FEZ2: variants seen among roughly 807,000 people sequenced by gnomAD.
The protein encoded by FEZ2 is fasciculation and elongation protein zeta-2.
FEZ2 carries 51 observed loss-of-function variants against 40.4 expected under a neutral mutation model. The observed-to-expected ratio is 1.26, with a 90% CI of 1.01 to 1.59. The LOEUF (loss-of-function observed/expected upper bound fraction) is 1.59. Among genes scored for constraint, FEZ2 ranks in the 40% most tolerant of loss-of-function variants. The pLI is 0.00. For synonymous variants in FEZ2, 242 were observed against 172.0 expected (o/e 1.41, Z -3.18); for missense variants, 640 against 438.3 (o/e 1.46, Z -4.11).
In FEZ2 at chr2:36,578,662, T is replaced by C. The variant is rs761173859; in HGVS notation, c.838A>G (p.Lys280Glu). ...QKEHKETAKK[K>E]KKLKNGSSQN... ...GAGCTGCCATTTTTTAGTTTCTTTT[T>C]CTTTTTTGCTGTTTCTTTGTGCTCT... The change falls in exon 5 of 8, where the codon AAA becomes GAA. Residue 280 changes from lysine (K) to glutamate (E), a missense_variant. Coordinates refer to ENST00000405912, the MANE Select transcript of FEZ2 (RefSeq NM_005102.3). 1 of 1,613,618 alleles carries C rather than the reference T, an allele frequency of 6.2e-7. No homozygotes were observed. Among genetic ancestry groups the C allele is most frequent in the South Asian group, 1.1e-5 (1 of 91,036 alleles).
At chr2:36,555,419 T>C (rs912078485) in intron 7 of FEZ2, 8 of 272,372 alleles carry the variant, frequency 2.9e-5, no homozygotes, top group African/African-American at 4.4e-5. Flanking sequence ...TCTCACTAAT[T>C]TTCTTCTACT....
In FEZ2 at chr2:36,592,644, C is replaced by CAAA. The variant is rs34717975; in HGVS notation, c.267-1636_267-1634dup. ...AACAAAAGGGAGCCCCACATCTCTA[C>CAAA]AAAAAAAAAAAAAAAAAAAAAATTG... On this transcript the variant is annotated intron_variant, in intron 1 of 7. Transcript: ENST00000405912. 5.9e-4 allele frequency among the ~76,000 whole-genome samples: 44 copies of CAAA among 74,448 alleles called. No homozygotes were observed. The Middle Eastern group carries it at 0.019, about 32-fold the overall frequency. The allele number at this position is 74,448 out of a possible 152,430, so 48.8% of individuals were successfully genotyped here. A position where few individuals can be genotyped will look rare whatever the true frequency, so the allele number is the denominator to read the frequency against.
At chr2:36,567,761 CA>C (rs201650768) in intron 5 of FEZ2, among the ~76,000 whole-genome samples, 11,305 of 115,546 alleles carry the variant, frequency 0.098, 817 homozygotes, top group East Asian at 0.25. Context: ...GACTCTGTCT[CA>C]AAAAAAAAAA....
intron 5 of FEZ2, among the ~76,000 whole-genome samples, chr2:36,559,752 C>T (rs1573000826): frequency 6.6e-6 from 1 of 152,240 alleles, no homozygotes; most frequent in Non-Finnish European, 1.5e-5. Context: ...CTCTGGCTAC[C>T]TGGCTGCATC....
intron 5 of FEZ2, among the ~76,000 whole-genome samples, chr2:36,562,352 C>A (rs1049587696): frequency 3.9e-5 from 6 of 152,104 alleles, no homozygotes; most frequent in African/African-American, 1.4e-4. Context: ...GTCTTGATAA[C>A]AAAAAGCTAA....
At chr2:36,555,792 A>C in intron 6 of FEZ2, 44 bp from the exon 7 acceptor site, 1 of 1,118,930 alleles carries the variant, frequency 8.9e-7, no homozygotes, top group Non-Finnish European at 1.3e-6. Flanking sequence ...TTAAAAATTT[A>C]GATCAAAAAT....
In FEZ2 at chr2:36,578,863, C is replaced by T. The variant is rs776127152; in HGVS notation, c.637G>A (p.Val213Met). Residue 213 changes from valine to methionine, a missense_variant and splice_region_variant, in exon 5 of 8, where the codon GTG (valine) becomes ATG (methionine). Coordinates refer to ENST00000405912, the MANE Select transcript of FEZ2 (RefSeq NM_005102.3). ...RSSTGSYEER[V>M]KRLSVSELNE... ...AACTCAGACACTGAGAGCCTTTTCA[C>T]TCCTGTGACCAAAAGCAAAATACAG... 1.9e-6 allele frequency: 3 copies of T among 1,601,986 alleles called. No individual in the cohort carries two copies. The highest frequency in any genetic ancestry group is 2.6e-6 in the Non-Finnish European group (3 of 1,175,750).
At chr2:36,581,021 G>A (rs567587820) in intron 4 of FEZ2, among the ~76,000 whole-genome samples, 144 of 152,150 alleles carry the variant, frequency 9.5e-4, no homozygotes, top group African/African-American at 3.3e-3. Flanking sequence ...GCGTGGTGGC[G>A]GGCACCTGTA....
At chr2:36,591,128 CA>C in intron 1 of FEZ2, 117 bp from the exon 2 acceptor site, 1 of 675,736 alleles carries the variant, frequency 1.5e-6, no homozygotes, top group Non-Finnish European at 2.6e-6. Context: ...AAACAGACAG[CA>C]CATTGTTTCT....
intron 1 of FEZ2, 148 bp downstream of exon 1, chr2:36,597,729 C>T (rs540152224): frequency 1.2e-5 from 7 of 576,812 alleles, no homozygotes; most frequent in Non-Finnish European, 1.8e-5. Flanking sequence ...GAGCCGAGGC[C>T]GACGGCCGGA....
At chr2:36,567,842 T>C (rs1294286263) in intron 5 of FEZ2, among the ~76,000 whole-genome samples, 1 of 150,878 alleles carries the variant, frequency 6.6e-6, no homozygotes, top group Non-Finnish European at 1.5e-5. Context: ...ACTAGAAGGA[T>C]AAAGGAAAAG....
chr2:36,566,771 T>A (rs576484460), intron 5 of FEZ2, among the ~76,000 whole-genome samples: 1 of 152,338 alleles, frequency 6.6e-6, no homozygotes, highest in South Asian at 2.1e-4. Context: ...CCACTAATTG[T>A]GTGACAGGAG....
intron 2 of FEZ2, among the ~76,000 whole-genome samples, chr2:36,587,418 G>C (rs1573028433): frequency 6.6e-6 from 1 of 152,150 alleles, no homozygotes; most frequent in East Asian, 1.9e-4. Flanking sequence ...CAATGCCAGG[G>C]TTAGATACAG....
chr2:36,565,476 C>T (rs1668209913), intron 5 of FEZ2, among the ~76,000 whole-genome samples: 1 of 152,160 alleles, frequency 6.6e-6, no homozygotes, highest in South Asian at 2.1e-4. Flanking sequence ...CACCTTCTAG[C>T]TTTCACCATA....
At chr2:36,564,566 C>T (rs1009034727) in intron 5 of FEZ2, among the ~76,000 whole-genome samples, 3 of 152,148 alleles carry the variant, frequency 2.0e-5, no homozygotes, top group Admixed American at 6.5e-5. Flanking sequence ...AGATAACTAA[C>T]ACATGCCCTA....
At chr2:36,597,468 G>C (rs1288510502) in intron 1 of FEZ2, among the ~76,000 whole-genome samples, 3 of 152,134 alleles carry the variant, frequency 2.0e-5, no homozygotes, top group African/African-American at 7.2e-5. Context: ...CAGTCGTTTT[G>C]GTGTTCCCTG....
chr2:36,596,452 T>C (rs1669224681), intron 1 of FEZ2, among the ~76,000 whole-genome samples: 1 of 152,194 alleles, frequency 6.6e-6, no homozygotes, highest in African/African-American at 2.4e-5. Flanking sequence ...TGAAAATCCA[T>C]TCCTTCCCAT....
intron 5 of FEZ2, among the ~76,000 whole-genome samples, chr2:36,570,609 T>C (rs906679045): frequency 1.3e-5 from 2 of 152,206 alleles, no homozygotes; most frequent in African/African-American, 4.8e-5. Flanking sequence ...CTTTGTCGTA[T>C]AGACCATGAC....
chr2:36,558,505 A>C lies in FEZ2; in HGVS notation c.912T>G (p.Thr304=), dbSNP rs1182093754. Residue 304 remains threonine (T), a synonymous_variant, in exon 6 of 8, where the codon ACT becomes ACG. Coordinates refer to ENST00000405912, the MANE Select transcript of FEZ2 (RefSeq NM_005102.3). ...TTTTTTTCTCATAAGGAATGACTGT[A>C]GTCAAATACTGCCAAGTTTAAAAAA... ...ERSHMPGTYL[T]TVIPYEKKNG... The C allele has an allele frequency of 1.5e-5, 23 of 1,505,796 alleles. No individual in the cohort carries two copies. The highest frequency in any genetic ancestry group is 2.0e-5 in the Non-Finnish European group (23 of 1,122,776). 93.3% of individuals were successfully genotyped at this position (1,505,796 alleles called of 1,614,324 possible).
Sources: allele counts gnomAD v4.1 joint callset (sites outside exome capture counted in the v4.1 genomes callset), GRCh38; gene constraint gnomAD v4.1.1; transcripts MANE v1.5; gene names NCBI Gene and HGNC (gene_info 2026-07-23, HGNC 2026-07-21).